The following CELF2 variants were observed in gnomAD, a reference collection of about 807,000 sequenced individuals.
The protein encoded by CELF2 is CUGBP Elav-like family member 2, also known as CUG triplet repeat RNA-binding protein 2.
A neutral mutation model predicts 62.6 loss-of-function variants in CELF2; 8 were observed. That is an observed-to-expected ratio of 0.13 (90% CI 0.07 to 0.23). The LOEUF (loss-of-function observed/expected upper bound fraction) is 0.23, where lower values mean the gene tolerates loss of function less well. CELF2 is among the 10% of genes least tolerant of loss of function. The pLI is 1.00. For synonymous variants in CELF2, 258 were observed against 250.0 expected (o/e 1.03, Z -0.30); for missense variants, 333 against 671.0 (o/e 0.50, Z 5.56).
At chr10:10,887,779 T>TA (rs1466212725) in intron 1 of CELF2, among the ~76,000 whole-genome samples, 2 of 151,372 alleles carry the variant, frequency 1.3e-5, no homozygotes, top group East Asian at 3.9e-4. Flanking sequence ...CTTTTATTTT[T>TA]TTTTTTTTTT....
chr10:11,221,498 C>G (rs4511201), intron 3 of CELF2, among the ~76,000 whole-genome samples: 2 of 152,130 alleles, frequency 1.3e-5, no homozygotes, highest in Non-Finnish European at 2.9e-5. Flanking sequence ...ATCCTTGTGC[C>G]GGTGTCAGCA....
chr10:11,277,493 GCTGATAGA>G (rs1426607479), intron 8 of CELF2, among the ~76,000 whole-genome samples: 19 of 152,304 alleles, frequency 1.2e-4, no homozygotes, highest in African/African-American at 4.3e-4. Flanking sequence ...TGGCCCCGTG[GCTGATAGA>G]CTCAGCTCTC....
chr10:10,558,233 T>A, the CELF2 span, among the ~76,000 whole-genome samples: 95 of 152,262 alleles, frequency 6.2e-4, no homozygotes, highest in African/African-American at 2.1e-3. Context: ...TATTGAGAGT[T>A]TTTAGCATGA....
At position 11,145,783 on chromosome 10, in the gene CELF2, T is replaced by C. The variant is rs1346091408; in HGVS notation, c.75-19703T>C. ...TCTTTTTTTAGTGTCATTACCAGTA[T>C]TGGTTGCACTACTGTAGCGTTCTGG... On this transcript the variant is annotated intron_variant, in intron 1 of 12. Coordinates refer to ENST00000633077, the MANE Select transcript of CELF2 (RefSeq NM_001326342.2). The surrounding 1 kb of genome is among the most constrained non-coding windows in gnomAD (Gnocchi z 4.3). 1.3e-5 allele frequency among the ~76,000 whole-genome samples: 2 copies of C among 152,222 alleles called. No homozygotes were observed. Among genetic ancestry groups the C allele is most frequent in the East Asian group, 1.9e-4 (1 of 5,204 alleles).
rs2242451 is a variant in CELF2 at position 11,260,708 on chromosome 10, G to C, written c.538+2836G>C. On this transcript the variant is annotated intron_variant, in intron 5 of 12. Coordinates refer to ENST00000633077, the MANE Select transcript of CELF2 (RefSeq NM_001326342.2). This position sits in a 1 kb window ranked among gnomAD's most constrained non-coding sequence, Gnocchi z 4.2. The stretch of plus-strand genomic sequence containing the variant: ...TCTGGTGAACTGATGAGAATTCCCT[G>C]TTGCAAAAAAAGAAAAATAAGAAAG... Among the ~76,000 whole-genome samples the C allele has an allele frequency of 1.3e-5, 2 of 150,216 alleles. No homozygotes were observed. The highest frequency in any genetic ancestry group is 4.2e-4 in the South Asian group (2 of 4,766).
Position 11,165,046 on chromosome 10 carries a change from G to C in CELF2, c.75-440G>C, listed in dbSNP as rs901095188. ...AACCTCCCAAAAAGGGCGGTGGGGC[G>C]GGGGGCGGGGCAGGGAGAGGGAGAG... On this transcript the variant is annotated intron_variant, in intron 1 of 12. Transcript: ENST00000633077. This position sits in a 1 kb window ranked among gnomAD's most constrained non-coding sequence, Gnocchi z 7.4. The C allele has an allele frequency of 1.4e-4, 62 of 441,638 alleles. No individual in the cohort carries two copies. Among genetic ancestry groups the C allele is most frequent in the Non-Finnish European group, 1.8e-4 (60 of 336,392 alleles). The allele number at this position is 441,638 out of a possible 1,614,324, so 27.4% of individuals were successfully genotyped here. A position where few individuals can be genotyped will look rare whatever the true frequency, so the allele number is the denominator to read the frequency against.
chr10:10,530,291 G>A, the CELF2 span, among the ~76,000 whole-genome samples: 8 of 152,144 alleles, frequency 5.3e-5, no homozygotes, highest in Non-Finnish European at 1.0e-4. Context: ...GTGAGGAGAT[G>A]TGCTCTGCTA....
chr10:11,017,322 TC>T (rs1456366969), upstream of CELF2, among the ~76,000 whole-genome samples: 1 of 152,216 alleles, frequency 6.6e-6, no homozygotes, highest in African/African-American at 2.4e-5. This position sits in a 1 kb window ranked among gnomAD's most constrained non-coding sequence, Gnocchi z 5.5. Context: ...GACTTTATTT[TC>T]AGCCGCTTAT....
intron 8 of CELF2, among the ~76,000 whole-genome samples, chr10:11,287,531 A>C (rs538325509): frequency 6.6e-6 from 1 of 152,350 alleles, no homozygotes; most frequent in African/African-American, 2.4e-5. Flanking sequence ...TTCATGAGTC[A>C]CACATTTATT....
chr10:10,766,152 C>A, the CELF2 span, among the ~76,000 whole-genome samples: 2 of 152,180 alleles, frequency 1.3e-5, no homozygotes, highest in Non-Finnish European at 2.9e-5. Context: ...AGTGCAAATG[C>A]CATCATTTTG....
the CELF2 span, among the ~76,000 whole-genome samples, chr10:10,517,108 A>G: frequency 6.6e-6 from 1 of 152,156 alleles, no homozygotes; most frequent in Non-Finnish European, 1.5e-5. Context: ...CATAATATCT[A>G]ATATTTATTA....
the CELF2 span, among the ~76,000 whole-genome samples, chr10:10,675,353 T>C: frequency 6.6e-6 from 1 of 152,160 alleles, no homozygotes; most frequent in Non-Finnish European, 1.5e-5. Context: ...CAGAGGTGAA[T>C]CTTTTTCCTT....
chr10:11,244,892 C>G lies in CELF2; in HGVS notation c.355-4261C>G, dbSNP rs569650984. On this transcript the variant is annotated intron_variant, in intron 3 of 12. Transcript: ENST00000633077. The surrounding 1 kb of genome is among the most constrained non-coding windows in gnomAD (Gnocchi z 4.2). The stretch of plus-strand genomic sequence containing the variant: ...ATCTGAGACGCCTTCCCCAGCGTGT[C>G]CTTCCTCCATCTGTGTCTGGTGTCT... Among the ~76,000 whole-genome samples the G allele has an allele frequency of 1.6e-4, 24 of 152,264 alleles. No homozygotes were observed. The South Asian group carries it at 4.6e-3, about 29-fold the overall frequency.
Position 11,214,730 on chromosome 10 carries a change from T to C in CELF2, c.272-2695T>C, listed in dbSNP as rs2062851279. Among the ~76,000 whole-genome samples the C allele has an allele frequency of 6.6e-6, 1 of 152,234 alleles. No individual in the cohort carries two copies. The highest frequency in any genetic ancestry group is 2.4e-5 in the African/African-American group (1 of 41,462). ...GTCACACTGGAACTAGAGCTTCTCT[T>C]GGCATGATGTTAAAGAATACCTGTT... On this transcript the variant is annotated intron_variant, in intron 2 of 12. Coordinates refer to ENST00000633077, the MANE Select transcript of CELF2 (RefSeq NM_001326342.2). This position sits in a 1 kb window ranked among gnomAD's most constrained non-coding sequence, Gnocchi z 4.2.
intron 8 of CELF2, among the ~76,000 whole-genome samples, chr10:11,277,523 A>G (rs950611954): frequency 1.3e-5 from 2 of 152,186 alleles, no homozygotes; most frequent in African/African-American, 2.4e-5. Context: ...CCCCTCTAAG[A>G]GCTGCTCATG....
intron 2 of CELF2, among the ~76,000 whole-genome samples, chr10:10,996,020 A>G (rs2053909819): frequency 6.6e-6 from 1 of 152,236 alleles, no homozygotes; most frequent in Non-Finnish European, 1.5e-5. Flanking sequence ...TCCTGTAAGT[A>G]TATCATATTT....
chr10:10,739,070 G>A, the CELF2 span, among the ~76,000 whole-genome samples: 1 of 151,984 alleles, frequency 6.6e-6, no homozygotes, highest in East Asian at 1.9e-4. Context: ...GGCTACAGGT[G>A]TATATGTATT....
chr10:10,996,202 G>A lies in CELF2; in HGVS notation c.89+76203G>A, dbSNP rs1592861890. Among the ~76,000 whole-genome samples the A allele has an allele frequency of 2.6e-5, 4 of 152,322 alleles. No homozygotes were observed. In the East Asian group the frequency reaches 7.7e-4, roughly 29 times the overall value. ...TGGAAATATTGAACCCAACTGGCCT[G>A]CTGGAAGCATAAGAGCTTGTTCTGC... On this transcript the variant is annotated intron_variant, in intron 2 of 13. Transcript: ENST00000636488.
At chr10:10,728,160 C>T in the CELF2 span, among the ~76,000 whole-genome samples, 1 of 151,000 alleles carries the variant, frequency 6.6e-6, no homozygotes, top group Non-Finnish European at 1.5e-5. Context: ...AAAAATGTGA[C>T]CAGTCGCGGT....
Sources: allele counts gnomAD v4.1 joint callset (sites outside exome capture counted in the v4.1 genomes callset), GRCh38; gene constraint gnomAD v4.1.1; non-coding constraint Gnocchi (gnomAD v3.1); transcripts MANE v1.5; gene names NCBI Gene and HGNC (gene_info 2026-07-23, HGNC 2026-07-21).